Variants in PTPRD observed in about 807,000 individuals in gnomAD.
PTPRD encodes protein tyrosine phosphatase receptor type D, also known as receptor-type tyrosine-protein phosphatase delta.
In PTPRD, 34 loss-of-function variants were observed where a neutral mutation model predicts 214.5. The observed-to-expected ratio is 0.16, with a 90% CI of 0.12 to 0.21. The LOEUF (loss-of-function observed/expected upper bound fraction) is 0.21. Among genes scored for constraint, PTPRD ranks in the 10% least tolerant of loss-of-function variants. PTPRD has a pLI of 1.00. For missense variants in PTPRD, 2,545 were observed against 2,398.7 expected, an observed-to-expected ratio of 1.06 and a Z score of -1.27; for synonymous variants, 1,128 against 845.7, an observed-to-expected ratio of 1.33 and a Z score of -5.79.
chr9:10,449,964 C>T (rs1254796717), intron 2 of PTPRD, among the ~76,000 whole-genome samples: 1 of 151,706 alleles, frequency 6.6e-6, no homozygotes, highest in Non-Finnish European at 1.5e-5. Context: ...CTCTCTGAAA[C>T]ATGTGCTGTG....
chr9:8,991,682 T>C (rs1331198537), intron 11 of PTPRD, among the ~76,000 whole-genome samples: 4 of 152,182 alleles, frequency 2.6e-5, no homozygotes, highest in Non-Finnish European at 4.4e-5. Context: ...AACACATTAG[T>C]TCTGTGCAAT....
chr9:9,983,257 A>G (rs2095605055), intron 4 of PTPRD, among the ~76,000 whole-genome samples: 1 of 152,198 alleles, frequency 6.6e-6, no homozygotes, highest in South Asian at 2.1e-4. Flanking sequence ...TGGCAGTAGC[A>G]GCCTCCTTGC....
At chr9:8,489,448 GT>G (rs2097104099) in intron 27 of PTPRD, among the ~76,000 whole-genome samples, 1 of 152,166 alleles carries the variant, frequency 6.6e-6, no homozygotes, top group Admixed American at 6.5e-5. Context: ...CTGGGCAGAA[GT>G]TTTACTAAGC....
chr9:10,466,126 C>T (rs183761040), intron 2 of PTPRD, among the ~76,000 whole-genome samples: 9 of 152,134 alleles, frequency 5.9e-5, no homozygotes, highest in South Asian at 2.1e-4. Context: ...CTTTTCTTCA[C>T]GGTATTTGTT....
intron 7 of PTPRD, among the ~76,000 whole-genome samples, chr9:9,620,766 G>A (rs1418994559): frequency 1.3e-5 from 2 of 151,792 alleles, no homozygotes; most frequent in Non-Finnish European, 2.9e-5. Context: ...GAGTTTTTGA[G>A]ATTCAAGTGA....
intron 2 of PTPRD, among the ~76,000 whole-genome samples, chr9:10,513,567 G>A (rs145888239): frequency 1.1e-4 from 16 of 152,228 alleles, no homozygotes; most frequent in East Asian, 7.7e-4. Context: ...AATCAATTCC[G>A]CTTTTTCTGG....
At chr9:10,360,192 T>C (rs1356925485) in intron 2 of PTPRD, among the ~76,000 whole-genome samples, 1 of 152,224 alleles carries the variant, frequency 6.6e-6, no homozygotes, top group African/African-American at 2.4e-5. Flanking sequence ...GAGTTCTTAC[T>C]CTTGATTTGG....
At chr9:9,315,581 G>T (rs1470983194) in intron 9 of PTPRD, among the ~76,000 whole-genome samples, 3 of 151,844 alleles carry the variant, frequency 2.0e-5, no homozygotes, top group Admixed American at 2.0e-4. Flanking sequence ...TTTTTTGGGG[G>T]CCACTGAATT....
chr9:9,035,540 G>C lies in PTPRD; in HGVS notation c.-142-16805C>G, dbSNP rs546193544. Among the ~76,000 whole-genome samples, 17 of 152,066 alleles carry C rather than the reference G, an allele frequency of 1.1e-4. No individual in the cohort carries two copies. The South Asian group carries it at 3.1e-3, about 28-fold the overall frequency. On this transcript the variant is annotated intron_variant, in intron 10 of 45. Coordinates refer to ENST00000381196, the MANE Select transcript of PTPRD (RefSeq NM_002839.4). ...AGTTATAAACCTCCCTCCCGTCATAGGGTGTTCCCCCCACCCCAACCCCAC... is the reference window on the plus strand; with the variant it reads ...AGTTATAAACCTCCCTCCCGTCATACGGTGTTCCCCCCACCCCAACCCCAC...
intron 8 of PTPRD, among the ~76,000 whole-genome samples, chr9:9,558,277 A>T (rs1388060090): frequency 1.3e-5 from 2 of 152,144 alleles, no homozygotes; most frequent in Non-Finnish European, 2.9e-5. Context: ...TGGCCTTTCC[A>T]TGTTATGGCT....
chr9:10,142,425 C>G (rs990597107), intron 3 of PTPRD, among the ~76,000 whole-genome samples: 76 of 151,902 alleles, frequency 5.0e-4, no homozygotes, highest in African/African-American at 1.8e-3. Context: ...AACAAATTTA[C>G]GAGAAAAAAA....
At chr9:8,464,905 G>A (rs1488723319) in intron 32 of PTPRD, among the ~76,000 whole-genome samples, 3 of 151,846 alleles carry the variant, frequency 2.0e-5, no homozygotes, top group African/African-American at 4.8e-5. Flanking sequence ...AGAGGCTGCT[G>A]TATTTGCCTC....
At chr9:8,441,926 G>C (rs908922586) in intron 34 of PTPRD, among the ~76,000 whole-genome samples, 2 of 151,038 alleles carry the variant, frequency 1.3e-5, no homozygotes, top group Non-Finnish European at 3.0e-5. Flanking sequence ...AACACCCCTG[G>C]ACAAGTGGTG....
At chr9:8,655,820 T>C (rs1234225792) in intron 12 of PTPRD, among the ~76,000 whole-genome samples, 1 of 151,988 alleles carries the variant, frequency 6.6e-6, no homozygotes, top group African/African-American at 2.4e-5. Context: ...TTGCTTATTC[T>C]TACTTCTGGT....
At chr9:10,328,769 A>C (rs2096694433) in intron 3 of PTPRD, among the ~76,000 whole-genome samples, 1 of 151,872 alleles carries the variant, frequency 6.6e-6, no homozygotes, top group Non-Finnish European at 1.5e-5. Context: ...TGAAGACAGA[A>C]GTCCAACTCA....
intron 11 of PTPRD, among the ~76,000 whole-genome samples, chr9:8,893,766 G>A (rs1380010991): frequency 6.6e-6 from 1 of 152,106 alleles, no homozygotes; most frequent in African/African-American, 2.4e-5. Context: ...CCACTCTTCA[G>A]AAGTTAAAAT....
At chr9:10,173,726 T>C (rs1323585161) in intron 3 of PTPRD, among the ~76,000 whole-genome samples, 1 of 151,988 alleles carries the variant, frequency 6.6e-6, no homozygotes, top group African/African-American at 2.4e-5. Context: ...TGCATGTGCT[T>C]GTGCAGCTGT....
At chr9:10,257,181 A>G (rs143420708) in intron 3 of PTPRD, among the ~76,000 whole-genome samples, 158 of 152,304 alleles carry the variant, frequency 1.0e-3, no homozygotes, top group African/African-American at 3.6e-3. Flanking sequence ...CTTAACATAT[A>G]CTGGTTTTAG....
chr9:10,416,935 A>G (rs1587739253), intron 2 of PTPRD, among the ~76,000 whole-genome samples: 1 of 151,956 alleles, frequency 6.6e-6, no homozygotes, highest in African/African-American at 2.4e-5. Context: ...ACAGTTGCAC[A>G]GCAAATAGAT....
Sources: gnomAD v4.1 joint callset for allele counts (sites outside exome capture counted in the v4.1 genomes callset) on GRCh38, gnomAD v4.1.1 for gene constraint, MANE v1.5 for transcripts, NCBI Gene and HGNC (gene_info 2026-07-23, HGNC 2026-07-21) for gene names.